The following MAST4 variants were observed in gnomAD, a reference collection of about 807,000 sequenced individuals.
MAST4 encodes microtubule associated serine/threonine kinase family member 4.
A neutral mutation model predicts 162.7 loss-of-function variants in MAST4; 89 were observed. That is an observed-to-expected ratio of 0.55 (90% CI 0.46 to 0.65). MAST4 has a LOEUF of 0.65. MAST4 is among the 30% of genes least tolerant of loss of function. MAST4 has a pLI of 0.00. For synonymous variants in MAST4, 1,479 were observed against 1,361.1 expected (o/e 1.09, Z -1.91); for missense variants, 3,153 against 3,374.0 (o/e 0.93, Z 1.62).
At chr5:66,799,458 A>G (rs994053562) in intron 3 of MAST4, among the ~76,000 whole-genome samples, 161 of 152,314 alleles carry the variant, frequency 1.1e-3, no homozygotes, top group African/African-American at 3.6e-3. Context: ...AGCTCAGGAA[A>G]ATGAGCTGTA....
At chr5:66,807,976 A>T (rs546101391) in intron 3 of MAST4, among the ~76,000 whole-genome samples, 1 of 152,322 alleles carries the variant, frequency 6.6e-6, no homozygotes, top group African/African-American at 2.4e-5. Flanking sequence ...CTCCAAGGAT[A>T]ATGTTTACTG....
chr5:67,031,807 C>G (rs1755363451), intron 4 of MAST4, among the ~76,000 whole-genome samples: 2 of 152,098 alleles, frequency 1.3e-5, no homozygotes, highest in South Asian at 2.1e-4. Context: ...GCCTAGTGAC[C>G]TATTCATAGG....
At position 67,005,087 on chromosome 5, in the gene MAST4, T is replaced by C. The variant is rs1561523431; in HGVS notation, c.675-49317T>C. On this transcript the variant is annotated intron_variant, in intron 4 of 28. Coordinates refer to ENST00000403625, the MANE Select transcript of MAST4 (RefSeq NM_001164664.2). ...GAACAGGCTTCGGCGAACACAAAGG[T>C]AAAAACGCGGGGATCTCTGCCTGGA... is the stretch of plus-strand genomic sequence containing the variant. 5.3e-6 allele frequency: 4 copies of C among 756,552 alleles called. No homozygotes were observed. The South Asian group carries it at 5.7e-5, about 11-fold the overall frequency. 46.9% of individuals were successfully genotyped at this position (756,552 alleles called of 1,614,324 possible).
intron 4 of MAST4, among the ~76,000 whole-genome samples, chr5:67,003,575 T>C (rs1027552688): frequency 1.3e-5 from 2 of 152,228 alleles, no homozygotes; most frequent in African/African-American, 4.8e-5. Flanking sequence ...GCTGAATATA[T>C]ACTTTTTTGA....
intron 2 of MAST4, among the ~76,000 whole-genome samples, chr5:66,761,811 T>C (rs553355139): frequency 3.9e-5 from 6 of 152,338 alleles, no homozygotes; most frequent in African/African-American, 1.4e-4. Flanking sequence ...GATATTTTTC[T>C]TTGCTTTCAT....
rs187523812 is a variant in MAST4, at chr5:66,999,500, C to T, written c.675-54904C>T. 4.6e-5 allele frequency among the ~76,000 whole-genome samples: 7 copies of T among 152,296 alleles called. No individual in the cohort carries two copies. In the East Asian group the frequency reaches 7.7e-4, roughly 17 times the overall value. On this transcript the variant is annotated intron_variant, in intron 4 of 28. Transcript: ENST00000403625. ...TTATAGGTTATCTGCTAATCTTTTC[C>T]GTGTCTCTGATTCTCCTGGGATCCA...
At chr5:66,768,692 C>T (rs1037333435) in intron 2 of MAST4, among the ~76,000 whole-genome samples, 5 of 151,966 alleles carry the variant, frequency 3.3e-5, no homozygotes, top group Admixed American at 6.6e-5. Flanking sequence ...GGGATCCTTG[C>T]GATGATGGAA....
chr5:66,886,538 C>CTG lies in MAST4; in HGVS notation c.643-13401_643-13400dup, dbSNP rs777645054. ...TTTATATCATCAGTTTTTGTTGTTG[C>CTG]TGTGTGTGTGTGTTTAAACTTTTAT... On this transcript the variant is annotated intron_variant, in intron 3 of 28. Transcript: ENST00000403625. Among the ~76,000 whole-genome samples the CTG allele has an allele frequency of 6.6e-5, 10 of 151,650 alleles. 1 individual carries two copies. The highest frequency in any genetic ancestry group is 4.8e-5 in the African/African-American group (2 of 41,282).
intron 13 of MAST4, among the ~76,000 whole-genome samples, chr5:67,119,004 G>C (rs1208295123): frequency 6.6e-6 from 1 of 152,176 alleles, no homozygotes; most frequent in Non-Finnish European, 1.5e-5. Context: ...GATTACTAGG[G>C]TAAGAAGGGG....
Position 67,166,471 on chromosome 5 carries a change from C to G in MAST4, c.7292C>G (p.Ala2431Gly), listed in dbSNP as rs760955456. The G allele has an allele frequency of 3.1e-6, 5 of 1,602,304 alleles. No individual in the cohort carries two copies. In the Admixed American group the frequency reaches 8.5e-5, roughly 27 times the overall value. Residue 2431 changes from alanine (A) to glycine (G), a missense_variant, in exon 29 of 29, where the codon GCA (alanine) becomes GGA (glycine). Transcript: ENST00000403625. ...GPGPQKPPTE[A>G]DKPNGMKRSP... is the part of the protein sequence containing the mutation. ...GGTCCCCAGAAGCCACCGACGGAGG[C>G]AGACAAGCCCAATGGCATGAAACGG...
intron 3 of MAST4, among the ~76,000 whole-genome samples, chr5:66,839,056 C>A (rs1011509609): frequency 1.3e-5 from 2 of 152,054 alleles, no homozygotes; most frequent in Non-Finnish European, 2.9e-5. Flanking sequence ...GCTGCTGGAC[C>A]GAGGTGGTGA....
At chr5:67,044,898 A>G (rs1561570335) in intron 4 of MAST4, among the ~76,000 whole-genome samples, 2 of 152,148 alleles carry the variant, frequency 1.3e-5, no homozygotes. Flanking sequence ...TTTTATTCAG[A>G]ATGATATGTA....
chr5:66,868,861 G>T (rs1760723874), intron 3 of MAST4, among the ~76,000 whole-genome samples: 1 of 152,082 alleles, frequency 6.6e-6, no homozygotes, highest in Admixed American at 6.6e-5. Context: ...CCCACCTACT[G>T]GGAGTTTAAG....
chr5:67,021,384 T>G (rs2150388999), intron 4 of MAST4, among the ~76,000 whole-genome samples: 1 of 152,372 alleles, frequency 6.6e-6, no homozygotes. Flanking sequence ...CTTAGATTAT[T>G]TCTCACTATA....
At chr5:66,793,995 G>A (rs1262467597) in intron 3 of MAST4, among the ~76,000 whole-genome samples, 1 of 152,170 alleles carries the variant, frequency 6.6e-6, no homozygotes, top group African/African-American at 2.4e-5. Context: ...CTGGCACATA[G>A]TAGGGTGCTC....
Position 66,803,115 on chromosome 5 carries a change from G to A in MAST4, c.642+14321G>A, listed in dbSNP as rs74852129. Among the ~76,000 whole-genome samples the A allele has an allele frequency of 6.0e-3, 916 of 152,210 alleles. 9 individuals carry two copies. Among genetic ancestry groups the A allele is most frequent in the African/African-American group, 0.021 (876 of 41,514 alleles). ...CCTGGGGGTGTCCATTAGTAAAATA[G>A]GAATGGTTAATCCTGGCAACATTGT... On this transcript the variant is annotated intron_variant, in intron 3 of 28. Transcript: ENST00000403625.
intron 1 of MAST4, among the ~76,000 whole-genome samples, chr5:66,667,035 G>A (rs1747306946): frequency 6.6e-6 from 1 of 152,188 alleles, no homozygotes; most frequent in African/African-American, 2.4e-5. Context: ...GATGCAAAGG[G>A]AAGGAAAGAG....
chr5:66,682,343 A>G (rs1748385599), intron 1 of MAST4, among the ~76,000 whole-genome samples: 1 of 152,196 alleles, frequency 6.6e-6, no homozygotes, highest in Non-Finnish European at 1.5e-5. Flanking sequence ...GTTCTTATGA[A>G]TTCTCAAAGA....
intron 1 of MAST4, among the ~76,000 whole-genome samples, chr5:66,631,079 T>A (rs898021417): frequency 6.6e-6 from 1 of 152,252 alleles, no homozygotes; most frequent in African/African-American, 2.4e-5. Flanking sequence ...TTTTCTCTTT[T>A]AATTTGTTGA....
Sources: gnomAD v4.1 joint callset for allele counts (sites outside exome capture counted in the v4.1 genomes callset) on GRCh38, gnomAD v4.1.1 for gene constraint, MANE v1.5 for transcripts, NCBI Gene and HGNC (gene_info 2026-07-23, HGNC 2026-07-21) for gene names.